DDX49: variants seen among roughly 807,000 people sequenced by gnomAD.
The protein encoded by DDX49 is probable ATP-dependent RNA helicase DDX49.
In DDX49, 50 loss-of-function variants were observed where a neutral mutation model predicts 56.3. The ratio of observed to expected loss-of-function variants is 0.89; its 90% CI spans 0.71 to 1.12. The LOEUF is 1.12. Ranked by LOEUF, DDX49 falls within the 50% of genes most tolerant of loss-of-function variation. The pLI is 0.00. For synonymous variants in DDX49, 269 were observed against 270.6 expected (o/e 0.99, Z 0.06); for missense variants, 614 against 650.5 (o/e 0.94, Z 0.61).
rs375651453 is a variant in DDX49, at chr19:18,928,011, G to A, written c.1238G>A (p.Arg413Gln). The A allele has an allele frequency of 2.2e-5, 36 of 1,613,734 alleles. No homozygotes were observed. The highest frequency in any genetic ancestry group is 1.6e-4 in the Middle Eastern group (1 of 6,084). Residue 413 changes from arginine to glutamine, a missense_variant, in exon 12 of 13, where the codon CGG becomes CAG. Transcript: ENST00000247003. ...GACGAAAAGAAGGAGATCAACAAAC[G>A]GAAGCAGCTGATCCTGGAGGGGAAG... ...HFDEKKEINK[R>Q]KQLILEGKDP...
rs1037569273 is a variant in DDX49 at position 18,922,657 on chromosome 19, T to C, written c.689T>C (p.Val230Ala). ...CGCTACCTGCTGGTGCCTGAGAAGG[T>C]CAAGGACGCCTACCTGGTCCACCTG... Reference protein sequence around the residue: ...DQRYLLVPEKVKDAYLVHLIQ... With the variant: ...DQRYLLVPEKAKDAYLVHLIQ... The change falls in exon 6 of 13, where the codon GTC becomes GCC. Residue 230 changes from valine (V) to alanine (A), a missense_variant. Val to Ala is a moderately conservative substitution (Grantham distance 64). Coordinates refer to ENST00000247003, the MANE Select transcript of DDX49 (RefSeq NM_019070.5). 2 of 1,613,886 alleles carry C rather than the reference T, an allele frequency of 1.2e-6. No individual in the cohort carries two copies. Among genetic ancestry groups the C allele is most frequent in the Non-Finnish European group, 1.7e-6 (2 of 1,180,020 alleles).
rs1476505 is a variant in DDX49 at position 18,924,561 on chromosome 19, G to C, written c.853-62G>C. On this transcript the variant is annotated intron_variant, in intron 7 of 12. Coordinates refer to ENST00000247003, the MANE Select transcript of DDX49 (RefSeq NM_019070.5). ...ACTGTCCCGGCCTCCACCCTGTCCC[G>C]AGGCCTCACACAGAAAACCCTGCCT... The C allele has an allele frequency of 0.23, 361,655 of 1,572,488 alleles. 53,931 individuals carry two copies. Among genetic ancestry groups the C allele is most frequent in the African/African-American group, 0.77 (56,562 of 73,934 alleles).
At chr19:18,922,865 A>G in intron 6 of DDX49, 121 bp downstream of exon 6, 1 of 1,311,870 alleles carries the variant, frequency 7.6e-7, no homozygotes, top group Non-Finnish European at 1.0e-6. Flanking sequence ...CCTGGAGGTC[A>G]TGGGGGCTTC....
intron 9 of DDX49, 85 bp downstream of exon 9, chr19:18,925,064 G>A (rs1163563802): frequency 4.0e-6 from 6 of 1,481,508 alleles, no homozygotes; most frequent in Non-Finnish European, 5.4e-6. Flanking sequence ...CGTGGGTAGG[G>A]TGCAGCCCAC....
At chr19:18,924,845 A>G (rs754375840) in intron 8 of DDX49, 37 bp from the exon 9 acceptor site, 18 of 1,612,228 alleles carry the variant, frequency 1.1e-5, no homozygotes, top group Middle Eastern at 1.6e-4. Context: ...GTTTCCCCAC[A>G]TGGACAGTGG....
Position 18,922,425 on chromosome 19 carries a change from C to T in DDX49, c.547C>T (p.Leu183=). 6.2e-7 allele frequency: 1 copy of T among 1,608,754 alleles called. No individual in the cohort carries two copies. The highest frequency in any genetic ancestry group is 1.1e-5 in the South Asian group (1 of 90,586). Residue 183 remains leucine (L), a synonymous_variant, in exon 5 of 13, where the codon CTG becomes TTG. Transcript: ENST00000247003. ...GGCTGTGCCGGCCCGCAGGCAGACA[C>T]TGCTGTTCAGCGCCACGCTGACCGA... The part of the protein sequence containing the change: ...LAAVPARRQT[L]LFSATLTDTL...
At chr19:18,927,741 A>ACCCC in intron 10 of DDX49, 25 bp from the exon 11 acceptor site, 2 of 1,099,278 alleles carry the variant, frequency 1.8e-6, no homozygotes, top group Non-Finnish European at 1.4e-6. Context: ...CCCCACCCCC[A>ACCCC]CCCCCGGCTT....
At chr19:18,921,637 C>T in intron 2 of DDX49, 26 bp from the exon 3 acceptor site, 1 of 1,611,608 alleles carries the variant, frequency 6.2e-7, no homozygotes, top group Non-Finnish European at 8.5e-7. Flanking sequence ...ACTACCTGAC[C>T]CAGCCTGGCC....
intron 8 of DDX49, 59 bp from the exon 9 acceptor site, chr19:18,924,823 G>A: frequency 1.2e-6 from 2 of 1,612,188 alleles, no homozygotes; most frequent in African/African-American, 1.3e-5. Flanking sequence ...CCCTGGGTGA[G>A]TCCTTGCCTC....
Position 18,928,605 on chromosome 19 carries a change from A to C in DDX49, c.*289A>C. The C allele has an allele frequency of 2.7e-6, 1 of 372,874 alleles. No individual in the cohort carries two copies. The highest frequency in any genetic ancestry group is 4.8e-6 in the Non-Finnish European group (1 of 206,714). The allele number at this position is 372,874 out of a possible 1,614,324, so 23.1% of individuals were successfully genotyped here. A position where few individuals can be genotyped will look rare whatever the true frequency, so the allele number is the denominator to read the frequency against. Reference sequence around the variant, plus strand: ...GGGGTGCCGCATACAGGAGGTGCTTAATAAACGGGTCTTTTGACTTCCTCA... The same window carrying C: ...GGGGTGCCGCATACAGGAGGTGCTTCATAAACGGGTCTTTTGACTTCCTCA... On this transcript the variant is annotated 3_prime_UTR_variant, in exon 13 of 13. Coordinates refer to ENST00000247003, the MANE Select transcript of DDX49 (RefSeq NM_019070.5).
Position 18,922,730 on chromosome 19 carries a change from C to T in DDX49, c.762C>T (p.Phe254=). Residue 254 remains phenylalanine (F), a synonymous_variant, in exon 6 of 13, where the codon TTC becomes TTT. Coordinates refer to ENST00000247003, the MANE Select transcript of DDX49 (RefSeq NM_019070.5). ...DEHEDWSIII[F]TNTCKTCQIL... ...ACGAGGACTGGTCCATTATCATCTT[C>T]ACCAACACGTGCAAGTGAGCGGGGC... The T allele has an allele frequency of 6.2e-7, 1 of 1,613,240 alleles. No homozygotes were observed. Among genetic ancestry groups the T allele is most frequent in the South Asian group, 1.1e-5 (1 of 91,078 alleles).
chr19:18,928,450 G>A lies in DDX49; in HGVS notation c.*134G>A. On this transcript the variant is annotated 3_prime_UTR_variant, in exon 13 of 13. Transcript: ENST00000247003. Reference sequence around the variant, plus strand: ...AGCAGAACCCGTGGGCGCTCGTGTTGTGCGGGCCCTGCTCCTCTGCCCCGA... The same window carrying A: ...AGCAGAACCCGTGGGCGCTCGTGTTATGCGGGCCCTGCTCCTCTGCCCCGA... 1 of 874,370 alleles carries A rather than the reference G, an allele frequency of 1.1e-6. No homozygotes were observed. The highest frequency in any genetic ancestry group is 1.7e-6 in the Non-Finnish European group (1 of 590,480). The allele number at this position is 874,370 out of a possible 1,614,324, so 54.2% of individuals were successfully genotyped here.
At chr19:18,927,630 T>C in intron 10 of DDX49, 136 bp from the exon 11 acceptor site, 1 of 687,820 alleles carries the variant, frequency 1.5e-6, no homozygotes, top group Non-Finnish European at 2.5e-6. Flanking sequence ...CTGATCTTGC[T>C]CAGCTGACCC....
In DDX49 at chr19:18,919,730, G is replaced by A; in HGVS notation, c.-12G>A. On this transcript the variant is annotated 5_prime_UTR_variant, in exon 1 of 13. Transcript: ENST00000247003. ...GGGCCCCTACAAGGGGCCCCTACAA[G>A]CGGCCACAAGGATGGCAGGCTTCGC... 6.2e-7 allele frequency: 1 copy of A among 1,605,676 alleles called. No individual in the cohort carries two copies.
chr19:18,923,754 G>T (rs1291476991), intron 6 of DDX49, among the ~76,000 whole-genome samples: 1 of 151,426 alleles, frequency 6.6e-6, no homozygotes, highest in Non-Finnish European at 1.5e-5. Flanking sequence ...TCCAGGGAGG[G>T]ATCAGCAGAG....
At chr19:18,927,707 C>A in intron 10 of DDX49, 59 bp from the exon 11 acceptor site, 1 of 1,484,312 alleles carries the variant, frequency 6.7e-7, no homozygotes, top group East Asian at 2.3e-5. Flanking sequence ...CTTGGCTGAA[C>A]TCCCTCTCCA....
At chr19:18,925,793 C>T (rs902788004) in intron 9 of DDX49, among the ~76,000 whole-genome samples, 9 of 152,228 alleles carry the variant, frequency 5.9e-5, no homozygotes, top group Middle Eastern at 3.4e-3. Context: ...TTGCTGGGGT[C>T]GGACTGGGCC....
rs752777811 is a variant in DDX49, at chr19:18,921,694, C to T, written c.271C>T (p.Arg91Trp). 79 of 1,613,978 alleles carry T rather than the reference C, an allele frequency of 4.9e-5. 1 individual carries two copies. Among genetic ancestry groups the T allele is most frequent in the South Asian group, 2.9e-4 (26 of 91,086 alleles). Residue 91 changes from arginine to tryptophan, a missense_variant, in exon 3 of 13, where the codon CGG becomes TGG. Physicochemically the swap from Arg to Trp is moderately radical, Grantham distance 101. Transcript: ENST00000247003. Reference sequence around the variant, plus strand: ...GGCCTACCAGATCGCAGAGCAGTTCCGGGTCCTGGGGAAGCCTCTAGGGCT... The same window carrying T: ...GGCCTACCAGATCGCAGAGCAGTTCTGGGTCCTGGGGAAGCCTCTAGGGCT... ...ELAYQIAEQFRVLGKPLGLKD... is the reference protein window; with the variant it reads ...ELAYQIAEQFWVLGKPLGLKD...
Position 18,928,464 on chromosome 19 carries a change from C to T in DDX49, c.*148C>T. ...GCGCTCGTGTTGTGCGGGCCCTGCT[C>T]CTCTGCCCCGAAACCACTGGCTGGT... On this transcript the variant is annotated 3_prime_UTR_variant, in exon 13 of 13. Coordinates refer to ENST00000247003, the MANE Select transcript of DDX49 (RefSeq NM_019070.5). 1.3e-6 allele frequency: 1 copy of T among 760,430 alleles called. No individual in the cohort carries two copies. The highest frequency in any genetic ancestry group is 2.0e-6 in the Non-Finnish European group (1 of 489,764). 47.1% of individuals were successfully genotyped at this position (760,430 alleles called of 1,614,324 possible). A position where few individuals can be genotyped will look rare whatever the true frequency, so the allele number is the denominator to read the frequency against.
Sources: gnomAD v4.1 joint callset for allele counts (sites outside exome capture counted in the v4.1 genomes callset) on GRCh38, gnomAD v4.1.1 for gene constraint, MANE v1.5 for transcripts, NCBI Gene and HGNC (gene_info 2026-07-23, HGNC 2026-07-21) for gene names.